Variants in USH2A observed in about 807,000 individuals in gnomAD.
USH2A encodes the protein Usher syndrome 2A (autosomal recessive, mild).
Under a neutral mutation model 538.9 loss-of-function variants are expected in USH2A, and 443 were observed. That is an observed-to-expected ratio of 0.82 (90% CI 0.76 to 0.89). The LOEUF is 0.89. USH2A is among the 40% of genes least tolerant of loss of function. The pLI is 0.00. For synonymous variants in USH2A, 2,413 were observed against 2,273.5 expected (o/e 1.06, Z -1.75); for missense variants, 6,633 against 6,324.8 (o/e 1.05, Z -1.65).
chr1:215,729,527 T>C (rs1659929604), intron 60 of USH2A, among the ~76,000 whole-genome samples: 1 of 152,216 alleles, frequency 6.6e-6, no homozygotes, highest in South Asian at 2.1e-4. Context: ...ACACACCCCT[T>C]ACCTAAAGGA....
chr1:216,072,489 T>G (rs909475317), intron 29 of USH2A: 3 of 287,756 alleles, frequency 1.0e-5, no homozygotes, highest in African/African-American at 2.2e-5. Context: ...ATGTGCTTTC[T>G]GTGAGAAAGT....
chr1:216,404,627 T>TC (rs1178762252), intron 3 of USH2A, among the ~76,000 whole-genome samples: 1 of 149,316 alleles, frequency 6.7e-6, no homozygotes, highest in Non-Finnish European at 1.5e-5. Flanking sequence ...GCTTTTTTTT[T>TC]TTTTTTTTTT....
intron 56 of USH2A, among the ~76,000 whole-genome samples, chr1:215,765,453 A>G (rs1323109453): frequency 6.6e-6 from 1 of 152,148 alleles, no homozygotes; most frequent in South Asian, 2.1e-4. Context: ...ATTTCATTAG[A>G]AGAGTAATGG....
chr1:216,063,279 A>C (rs6540928), intron 30 of USH2A, among the ~76,000 whole-genome samples: 100,980 of 152,046 alleles, frequency 0.66, 34,639 homozygotes, highest in African/African-American at 0.83. Context: ...TCTCTGCTTT[A>C]TCAGCTCCTT....
chr1:215,650,841 C>T (rs368242298), intron 64 of USH2A, 40 bp from the exon 65 acceptor site: 433 of 1,561,418 alleles, frequency 2.8e-4, no homozygotes, highest in Non-Finnish European at 3.6e-4. Context: ...AAGCAAGATA[C>T]CCTAAGGCTG....
chr1:216,135,435 T>C (rs1278478798), intron 21 of USH2A, among the ~76,000 whole-genome samples: 1 of 152,170 alleles, frequency 6.6e-6, no homozygotes, highest in African/African-American at 2.4e-5. Flanking sequence ...TATTAACTTA[T>C]CCTATTTCTC....
intron 10 of USH2A, among the ~76,000 whole-genome samples, chr1:216,291,664 A>T (rs554071230): frequency 6.6e-6 from 1 of 152,200 alleles, no homozygotes; most frequent in Non-Finnish European, 1.5e-5. Context: ...TGACTAGTCA[A>T]AGGCTTTGTA....
intron 50 of USH2A, among the ~76,000 whole-genome samples, chr1:215,797,357 G>C (rs1162243692): frequency 1.3e-5 from 2 of 152,234 alleles, no homozygotes; most frequent in African/African-American, 4.8e-5. Flanking sequence ...TAAGATCACT[G>C]ATGAAGGTGG....
intron 70 of USH2A, among the ~76,000 whole-genome samples, chr1:215,630,651 G>A (rs1035434517): frequency 6.6e-6 from 1 of 150,856 alleles, no homozygotes; most frequent in Non-Finnish European, 1.5e-5. Context: ...TCAGGAGTTC[G>A]AGACCAACCT....
intron 11 of USH2A, among the ~76,000 whole-genome samples, chr1:216,284,248 G>A (rs143646042): frequency 5.2e-4 from 79 of 152,174 alleles, no homozygotes; most frequent in African/African-American, 1.9e-3. Context: ...ATCTTGAATT[G>A]TAGTTCCCAT....
chr1:216,417,447 C>G (rs1009565202), intron 3 of USH2A, among the ~76,000 whole-genome samples: 1 of 152,012 alleles, frequency 6.6e-6, no homozygotes, highest in Admixed American at 6.6e-5. Flanking sequence ...TGTCCCCACC[C>G]AAACCTCATG....
At chr1:216,387,521 G>T (rs2039027710) in intron 3 of USH2A, among the ~76,000 whole-genome samples, 1 of 152,116 alleles carries the variant, frequency 6.6e-6, no homozygotes, top group Admixed American at 6.5e-5. Context: ...TTCAGATGCT[G>T]AACGTTTTGT....
At chr1:216,312,637 CTTCT>C (rs149801344) in intron 9 of USH2A, among the ~76,000 whole-genome samples, 1,764 of 152,114 alleles carry the variant, frequency 0.012, 28 homozygotes, top group African/African-American at 0.041. Context: ...TTTCTTTTTG[CTTCT>C]TTGTCAGAAT....
intron 61 of USH2A, among the ~76,000 whole-genome samples, chr1:215,699,682 C>T (rs1658942412): frequency 6.6e-6 from 1 of 152,148 alleles, no homozygotes; most frequent in Non-Finnish European, 1.5e-5. Flanking sequence ...TGAGAATTTG[C>T]TTATCAGCTT....
At chr1:216,126,099 C>T (rs1188802503) in intron 21 of USH2A, among the ~76,000 whole-genome samples, 1 of 152,144 alleles carries the variant, frequency 6.6e-6, no homozygotes, top group East Asian at 1.9e-4. Context: ...TAAAAGGGTT[C>T]CTTTGATAGT....
chr1:216,367,051 A>G (rs938337699), intron 3 of USH2A, among the ~76,000 whole-genome samples: 1 of 152,216 alleles, frequency 6.6e-6, no homozygotes, highest in African/African-American at 2.4e-5. Flanking sequence ...ATGCATAAAA[A>G]AGAATGTGGT....
At chr1:216,295,931 A>G (rs865937656) in intron 9 of USH2A, among the ~76,000 whole-genome samples, 1 of 152,064 alleles carries the variant, frequency 6.6e-6, no homozygotes. Context: ...CATAATCATC[A>G]TTGGAACATA....
At chr1:215,788,150 A>G (rs1297818808) in intron 51 of USH2A, among the ~76,000 whole-genome samples, 1 of 152,160 alleles carries the variant, frequency 6.6e-6, no homozygotes, top group Non-Finnish European at 1.5e-5. Flanking sequence ...GAAAAAATGG[A>G]GAAAAATAAT....
intron 47 of USH2A, among the ~76,000 whole-genome samples, chr1:215,836,239 T>G (rs1046688899): frequency 1.3e-5 from 2 of 151,266 alleles, no homozygotes; most frequent in Non-Finnish European, 2.9e-5. Context: ...AAGTCAAAGG[T>G]CACATCTTCC....
Sources: allele counts gnomAD v4.1 joint callset (sites outside exome capture counted in the v4.1 genomes callset), GRCh38; gene constraint gnomAD v4.1.1; transcripts MANE v1.5; gene names NCBI Gene and HGNC (gene_info 2026-07-23, HGNC 2026-07-21).